Variants in LRRC40 observed in about 807,000 individuals in gnomAD.
The protein encoded by LRRC40 is leucine rich repeat containing 40, also known as leucine-rich repeat-containing protein 40.
LRRC40 carries 76 observed loss-of-function variants against 72.8 expected under a neutral mutation model. The ratio of observed to expected loss-of-function variants is 1.04; its 90% confidence interval spans 0.87 to 1.26. The LOEUF is 1.26. Among genes scored for constraint, LRRC40 ranks in the 50% most tolerant of loss-of-function variants. The probability of loss-of-function intolerance (pLI) is 0.00; values close to 1 mark genes in which losing one functional copy is unlikely to be tolerated. For synonymous variants in LRRC40, 243 were observed against 254.2 expected, an observed-to-expected ratio of 0.96 and a Z score of 0.42; for missense variants, 684 against 698.9, an observed-to-expected ratio of 0.98 and a Z score of 0.24.
intron 1 of LRRC40, among the ~76,000 whole-genome samples, chr1:70,199,029 T>C (rs1034207350): frequency 9.2e-5 from 14 of 152,018 alleles, no homozygotes; most frequent in African/African-American, 3.4e-4. Context: ...CACATCCCTG[T>C]AGTCTCAGAC....
At chr1:70,171,635 G>C (rs1668001958) in intron 9 of LRRC40, among the ~76,000 whole-genome samples, 1 of 152,060 alleles carries the variant, frequency 6.6e-6, no homozygotes, top group African/African-American at 2.4e-5. Flanking sequence ...ACAATAAGAT[G>C]CCATTTCAGA....
intron 9 of LRRC40, among the ~76,000 whole-genome samples, chr1:70,162,367 G>GC (rs1417406570): frequency 6.6e-6 from 1 of 151,988 alleles, no homozygotes; most frequent in Non-Finnish European, 1.5e-5. Context: ...GGCATAAAAT[G>GC]CCCCAAAGTG....
intron 4 of LRRC40, among the ~76,000 whole-genome samples, chr1:70,184,391 T>A (rs1199822640): frequency 6.6e-6 from 1 of 152,104 alleles, no homozygotes; most frequent in East Asian, 1.9e-4. Flanking sequence ...AAGACAGACC[T>A]TCAGTGAATT....
intron 7 of LRRC40, 37 bp from the exon 8 acceptor site, chr1:70,173,746 A>C: frequency 2.0e-6 from 2 of 1,016,384 alleles, no homozygotes. Context: ...GAAAGCATCA[A>C]ATATAAGTAT....
chr1:70,186,356 ATGCCTTT>A (rs1189232546), intron 3 of LRRC40, among the ~76,000 whole-genome samples: 3 of 152,168 alleles, frequency 2.0e-5, no homozygotes, highest in Admixed American at 2.0e-4. Context: ...GGCCACGTCT[ATGCCTTT>A]GACTTGTAAG....
chr1:70,146,043 G>C (rs1049305493), intron 14 of LRRC40, 138 bp from the exon 15 acceptor site: 1 of 533,910 alleles, frequency 1.9e-6, no homozygotes, highest in Non-Finnish European at 3.3e-6. Context: ...TTCTTTTTTT[G>C]AGACAGAGTC....
chr1:70,189,362 T>C (rs890270154), intron 1 of LRRC40, 89 bp from the exon 2 acceptor site: 36 of 1,056,574 alleles, frequency 3.4e-5, no homozygotes, highest in Non-Finnish European at 4.7e-5. Flanking sequence ...GCTTTTATAA[T>C]AGCCATTCCA....
At chr1:70,179,560 C>A (rs965780657) in intron 5 of LRRC40, among the ~76,000 whole-genome samples, 60 of 152,254 alleles carry the variant, frequency 3.9e-4, no homozygotes, top group African/African-American at 1.4e-3. Context: ...TGTGTAACAG[C>A]TTAAAAGTAT....
intron 1 of LRRC40, among the ~76,000 whole-genome samples, chr1:70,192,469 T>C (rs574441262): frequency 6.6e-6 from 1 of 152,092 alleles, no homozygotes; most frequent in Non-Finnish European, 1.5e-5. Context: ...ATTGGGTACA[T>C]ACCCAAAAGA....
chr1:70,155,803 GA>G lies in LRRC40; in HGVS notation c.1221-8del. 7.5e-6 allele frequency: 11 copies of G among 1,463,504 alleles called. No individual in the cohort carries two copies. The highest frequency in any genetic ancestry group is 1.8e-5 in the Admixed American group (1 of 54,796). The allele number at this position is 1,463,504 out of a possible 1,614,324, so 90.7% of individuals were successfully genotyped here. A position where few individuals can be genotyped will look rare whatever the true frequency, so the allele number is the denominator to read the frequency against. On this transcript the variant is annotated splice_region_variant and splice_polypyrimidine_tract_variant and intron_variant, in intron 10 of 14. Transcript: ENST00000370952. ...CAAAGTTGCTTGTTTATCACTAAAT[GA>G]AAAATGGTTTTAAAAAACGAACCAT...
chr1:70,193,645 T>C (rs1220372349), intron 1 of LRRC40, among the ~76,000 whole-genome samples: 2 of 151,996 alleles, frequency 1.3e-5, no homozygotes, highest in Non-Finnish European at 2.9e-5. Flanking sequence ...AGCAGATAAA[T>C]ACATTAAAAG....
rs1667364142 is a variant in LRRC40, at chr1:70,148,231, C to T, written c.1703+256G>A. 4.7e-5 allele frequency among the ~76,000 whole-genome samples: 7 copies of T among 149,892 alleles called. No individual in the cohort carries two copies. The South Asian group carries it at 1.5e-3, about 32-fold the overall frequency. On this transcript the variant is annotated intron_variant, in intron 14 of 14. Coordinates refer to ENST00000370952, the MANE Select transcript of LRRC40 (RefSeq NM_017768.5). The stretch of plus-strand genomic sequence containing the variant: ...AGTAGAGATTCAGGTTATAAACATA[C>T]ACAGTGATAGCGAAAAGCCACTAGA...
intron 1 of LRRC40, among the ~76,000 whole-genome samples, chr1:70,200,995 G>A (rs1668726104): frequency 6.6e-6 from 1 of 152,058 alleles, no homozygotes; most frequent in South Asian, 2.1e-4. Flanking sequence ...AATACAGTGA[G>A]ATCCAGTCTC....
chr1:70,190,113 A>G (rs1188063157), intron 1 of LRRC40, among the ~76,000 whole-genome samples: 1 of 152,216 alleles, frequency 6.6e-6, no homozygotes, highest in Non-Finnish European at 1.5e-5. Flanking sequence ...TGTTGTAGCA[A>G]AACTATTTTC....
intron 13 of LRRC40, among the ~76,000 whole-genome samples, 198 bp downstream of exon 13, chr1:70,150,930 G>A (rs1488823922): frequency 6.6e-6 from 1 of 152,102 alleles, no homozygotes; most frequent in Non-Finnish European, 1.5e-5. Flanking sequence ...AAAAAGGAAT[G>A]AAAAATATGT....
intron 1 of LRRC40, among the ~76,000 whole-genome samples, chr1:70,192,308 A>G (rs1225314743): frequency 2.0e-5 from 3 of 151,968 alleles, no homozygotes; most frequent in African/African-American, 7.3e-5. Flanking sequence ...TGATTTTTGT[A>G]CATTGATTTT....
chr1:70,173,984 T>A (rs1427963811), intron 7 of LRRC40, among the ~76,000 whole-genome samples: 1 of 152,032 alleles, frequency 6.6e-6, no homozygotes, highest in African/African-American at 2.4e-5. Context: ...AAAAAGTAAA[T>A]GTTAAACATA....
chr1:70,175,984 T>A lies in LRRC40; in HGVS notation c.805-2A>T. On this transcript the variant is annotated splice_acceptor_variant, in intron 6 of 14. Coordinates refer to ENST00000370952, the MANE Select transcript of LRRC40 (RefSeq NM_017768.5). LOFTEE classifies it high-confidence loss of function. ...CTGGTTTTCACCTACGTGCAATTCC[T>A]ACAAAATCAAAGATGAGTTATGTGT... 6.5e-7 allele frequency: 1 copy of A among 1,541,804 alleles called. No homozygotes were observed. The highest frequency in any genetic ancestry group is 8.7e-7 in the Non-Finnish European group (1 of 1,150,170).
At chr1:70,204,188 T>C (rs1352833252) in intron 1 of LRRC40, among the ~76,000 whole-genome samples, 1 of 152,260 alleles carries the variant, frequency 6.6e-6, no homozygotes, top group Non-Finnish European at 1.5e-5. Context: ...ACTCATTCAC[T>C]TACTTATTGC....
Sources: allele counts gnomAD v4.1 joint callset (sites outside exome capture counted in the v4.1 genomes callset), GRCh38; gene constraint gnomAD v4.1.1; transcripts MANE v1.5; gene names NCBI Gene and HGNC (gene_info 2026-07-23, HGNC 2026-07-21).